Variants in PCDHA2 observed in about 807,000 individuals in gnomAD.
PCDHA2 encodes the protein protocadherin alpha-2.
PCDHA2 carries 58 observed loss-of-function variants against 66.0 expected under a neutral mutation model. The ratio of observed to expected loss-of-function variants is 0.88; its 90% confidence interval spans 0.71 to 1.09. The LOEUF (loss-of-function observed/expected upper bound fraction) is 1.09. Ranked by LOEUF, PCDHA2 falls within the 50% of genes least tolerant of loss-of-function variation. PCDHA2 has a pLI of 0.00. For synonymous variants in PCDHA2, 634 were observed against 554.0 expected (o/e 1.14, Z -2.03); for missense variants, 1,267 against 1,242.3 (o/e 1.02, Z -0.30).
At chr5:140,928,874 C>T (rs782794510) in intron 1 of PCDHA2, 1 of 1,614,194 alleles carries the variant, frequency 6.2e-7, no homozygotes, top group Admixed American at 1.7e-5. Context: ...AACTCTGTCC[C>T]TCAGTTACTT....
At chr5:140,921,943 T>C (rs2080514176) in intron 1 of PCDHA2, among the ~76,000 whole-genome samples, 1 of 151,972 alleles carries the variant, frequency 6.6e-6, no homozygotes, top group South Asian at 2.1e-4. Context: ...AATTTTACAC[T>C]TGTAAAATCC....
At chr5:141,000,210 A>G (rs1475631796) in intron 3 of PCDHA2, among the ~76,000 whole-genome samples, 3 of 151,622 alleles carry the variant, frequency 2.0e-5, no homozygotes, top group Non-Finnish European at 2.9e-5. Context: ...CACCTTCATT[A>G]TCAAATGCCT....
chr5:140,897,161 G>C (rs1554187213), intron 1 of PCDHA2, among the ~76,000 whole-genome samples: 1 of 151,938 alleles, frequency 6.6e-6, no homozygotes, highest in African/African-American at 2.4e-5. Flanking sequence ...TTCTTCTACT[G>C]TCTATCTCCA....
In PCDHA2 at chr5:140,795,354, G is replaced by T; in HGVS notation, c.390G>T (p.Pro130=). 3 of 1,614,180 alleles carry T rather than the reference G, an allele frequency of 1.9e-6. No individual in the cohort carries two copies. Among genetic ancestry groups the T allele is most frequent in the Non-Finnish European group, 2.5e-6 (3 of 1,180,034 alleles). ...AGGTGAAGGACATTAACGACAACCC[G>T]CCAATATTTCCAATGACAGTAAAGA... The part of the protein sequence containing the change: ...EVEVKDINDN[P]PIFPMTVKTI... Residue 130 remains proline (P), a synonymous_variant, in exon 1 of 4, where the codon CCG becomes CCT. Coordinates refer to ENST00000526136, the MANE Select transcript of PCDHA2 (RefSeq NM_018905.3).
chr5:140,871,031 G>C (rs543880939), intron 1 of PCDHA2: 4 of 1,613,210 alleles, frequency 2.5e-6, no homozygotes, highest in Middle Eastern at 3.3e-4. Flanking sequence ...GACTCGCCGC[G>C]CCACCGACTT....
At position 140,830,064 on chromosome 5, in the gene PCDHA2, C is replaced by T. The variant is rs148379064; in HGVS notation, c.2388+32712C>T. On this transcript the variant is annotated intron_variant, in intron 1 of 3. Transcript: ENST00000526136. Reference sequence around the variant, plus strand: ...CTGGTGAAAGACCACGGTGAGCCGGCGCTGACAGCGACGGCCACGGTTCTG... The same window carrying T: ...CTGGTGAAAGACCACGGTGAGCCGGTGCTGACAGCGACGGCCACGGTTCTG... 52 of 1,613,544 alleles carry T rather than the reference C, an allele frequency of 3.2e-5. No individual in the cohort carries two copies. The African/African-American group carries it at 5.9e-4, about 18-fold the overall frequency.
At chr5:141,002,565 G>A (rs782803550) in intron 3 of PCDHA2, among the ~76,000 whole-genome samples, 9 of 152,196 alleles carry the variant, frequency 5.9e-5, no homozygotes, top group Non-Finnish European at 2.9e-5. Flanking sequence ...ACCAGTTAGT[G>A]ACCATGTGAC....
chr5:140,830,130 C>G, intron 1 of PCDHA2: 1 of 1,613,418 alleles, frequency 6.2e-7, no homozygotes, highest in Non-Finnish European at 8.5e-7. Flanking sequence ...AAGGCGTCAT[C>G]ACGGGCGTCG....
Position 140,796,217 on chromosome 5 carries a change from T to C in PCDHA2, c.1253T>C (p.Val418Ala). The change falls in exon 1 of 4, where the codon GTG becomes GCG. Residue 418 changes from valine to alanine, a missense_variant. Transcript: ENST00000526136. ...GACAGCGCCCTGGACCGCGAGAGCG[T>C]GTCAGCCTATGAGCTGGTGGTGACC... ...VLDSALDRESVSAYELVVTAR... is the reference protein window; with the variant it reads ...VLDSALDRESASAYELVVTAR... 1 of 1,614,206 alleles carries C rather than the reference T, an allele frequency of 6.2e-7. No individual in the cohort carries two copies. The highest frequency in any genetic ancestry group is 8.5e-7 in the Non-Finnish European group (1 of 1,180,044).
chr5:140,920,996 CAG>C (rs1554200030), intron 1 of PCDHA2, among the ~76,000 whole-genome samples: 3 of 151,876 alleles, frequency 2.0e-5, no homozygotes, highest in African/African-American at 7.3e-5. Context: ...CTTATTTTTT[CAG>C]AGTCAGGGTC....
chr5:140,925,267 G>C (rs931372584), intron 1 of PCDHA2, among the ~76,000 whole-genome samples: 14 of 152,060 alleles, frequency 9.2e-5, no homozygotes, highest in Non-Finnish European at 1.9e-4. Flanking sequence ...CTTGATCTGT[G>C]TTCAGATTTT....
chr5:141,007,377 AC>A lies in PCDHA2; in HGVS notation c.2537-2248del, dbSNP rs1563708435. Among the ~76,000 whole-genome samples, 4 of 136,616 alleles carry A rather than the reference AC, an allele frequency of 2.9e-5. No individual in the cohort carries two copies. The East Asian group carries it at 8.7e-4, about 30-fold the overall frequency. The allele number at this position is 136,616 out of a possible 152,430, so 89.6% of individuals were successfully genotyped here. ...ACCAGCCTGGGCAACATGATGGAAC[AC>A]CATCTCTACTAAAATACAAAAAAAA... On this transcript the variant is annotated intron_variant, in intron 3 of 3. Transcript: ENST00000526136.
In PCDHA2 at chr5:140,796,729, C is replaced by A. The variant is rs1762129125; in HGVS notation, c.1765C>A (p.His589Asn). The change falls in exon 1 of 4, where the codon CAC becomes AAC. Residue 589 changes from histidine to asparagine, a missense_variant. His to Asn is a moderately conservative substitution (Grantham distance 68). Coordinates refer to ENST00000526136, the MANE Select transcript of PCDHA2 (RefSeq NM_018905.3). ...ELVPWSVGAG[H>N]VVAKVRAVDA... ...GGTGCCGTGGTCGGTGGGTGCAGGG[C>A]ACGTGGTGGCGAAGGTGCGCGCAGT... The A allele has an allele frequency of 6.8e-6, 11 of 1,613,976 alleles. No homozygotes were observed. Among genetic ancestry groups the A allele is most frequent in the Admixed American group, 1.7e-5 (1 of 60,008 alleles).
At chr5:140,942,160 A>G (rs782205493) in intron 1 of PCDHA2, among the ~76,000 whole-genome samples, 11 of 152,218 alleles carry the variant, frequency 7.2e-5, no homozygotes, top group Non-Finnish European at 1.5e-4. Context: ...AACAGCTTCC[A>G]TATTTCTCTA....
At chr5:140,897,222 G>A (rs2065939417) in intron 1 of PCDHA2, among the ~76,000 whole-genome samples, 1 of 151,978 alleles carries the variant, frequency 6.6e-6, no homozygotes, top group Non-Finnish European at 1.5e-5. Context: ...TAGGGTACAT[G>A]TGCACAATGT....
intron 1 of PCDHA2, chr5:140,884,079 A>G (rs2059982825): frequency 5.6e-6 from 9 of 1,613,504 alleles, no homozygotes; most frequent in South Asian, 3.3e-5. Context: ...TCGGGCTACA[A>G]TGCGTGGCTT....
chr5:140,966,061 C>T (rs2095963591), intron 1 of PCDHA2, among the ~76,000 whole-genome samples: 1 of 152,222 alleles, frequency 6.6e-6, no homozygotes, highest in Non-Finnish European at 1.5e-5. Flanking sequence ...CCCAGAGCGC[C>T]TCCCCCTGCG....
intron 1 of PCDHA2, among the ~76,000 whole-genome samples, chr5:140,951,551 A>T (rs246040): frequency 0.31 from 47,721 of 151,608 alleles, 7,835 homozygotes; most frequent in East Asian, 0.53. Flanking sequence ...GACGGGGGGA[A>T]GTGCTACGCA....
chr5:140,796,969 T>C lies in PCDHA2; in HGVS notation c.2005T>C (p.Leu669=), dbSNP rs142817543. ...LTATATVLVS[L]VESGQAPKAS... ...AGCCACGGCCACCGTGTTAGTGTCG[T>C]TGGTGGAAAGTGGCCAGGCACCCAA... The change falls in exon 1 of 4, where the codon TTG becomes CTG. Residue 669 remains leucine, a synonymous_variant. Transcript: ENST00000526136. 7.3e-4 allele frequency: 1,172 copies of C among 1,613,698 alleles called. No homozygotes were observed. Among genetic ancestry groups the C allele is most frequent in the Non-Finnish European group, 9.2e-4 (1,085 of 1,179,912 alleles).
Sources: gnomAD v4.1 joint callset for allele counts (sites outside exome capture counted in the v4.1 genomes callset) on GRCh38, gnomAD v4.1.1 for gene constraint, MANE v1.5 for transcripts, NCBI Gene and HGNC (gene_info 2026-07-23, HGNC 2026-07-21) for gene names.